ZNF521: variants seen among roughly 807,000 people sequenced by gnomAD.
ZNF521 encodes the protein zinc finger protein 521.
Under a neutral mutation model 105.5 loss-of-function variants are expected in ZNF521, and 14 were observed. That is an observed-to-expected ratio of 0.13 (90% CI 0.09 to 0.21). The LOEUF (loss-of-function observed/expected upper bound fraction) is 0.21, where lower values mean the gene tolerates loss of function less well. ZNF521 is among the 10% of genes least tolerant of loss of function. The pLI, the probability that ZNF521 is intolerant of heterozygous loss-of-function variation, is 1.00. For missense variants in ZNF521, 1,233 were observed against 1,629.7 expected, an observed-to-expected ratio of 0.76 and a Z score of 4.19; for synonymous variants, 635 against 606.0, an observed-to-expected ratio of 1.05 and a Z score of -0.70.
chr18:25,204,184 T>C (rs576851333), intron 4 of ZNF521, among the ~76,000 whole-genome samples: 7 of 152,294 alleles, frequency 4.6e-5, no homozygotes, highest in South Asian at 4.1e-4. Context: ...TATTTCTTTA[T>C]AGCAATGCAA....
At position 25,225,659 on chromosome 18, in the gene ZNF521, C is replaced by T; in HGVS notation, c.2259G>A (p.Arg753=). 1 of 1,614,148 alleles carries T rather than the reference C, an allele frequency of 6.2e-7. No individual in the cohort carries two copies. The highest frequency in any genetic ancestry group is 2.2e-5 in the East Asian group (1 of 44,862). The stretch of plus-strand genomic sequence containing the variant: ...GGAAGTCCCAGTTGCAAGATGTGCA[C>T]CTATAGACTTTCTTTTCGTTACTGT... ...VKHSNEKKVY[R]CTSCNWDFRN... The change falls in exon 4 of 8, where the codon AGG becomes AGA. Residue 753 remains arginine (R), a synonymous_variant. Transcript: ENST00000361524. The surrounding 1 kb of genome is among the most constrained non-coding windows in gnomAD (Gnocchi z 5.6).
At chr18:25,232,445 T>C (rs1048948526) in intron 3 of ZNF521, among the ~76,000 whole-genome samples, 8 of 152,232 alleles carry the variant, frequency 5.3e-5, no homozygotes, top group Non-Finnish European at 1.0e-4. Context: ...CATAAACATA[T>C]TTTAATATTT....
intron 3 of ZNF521, among the ~76,000 whole-genome samples, chr18:25,245,005 G>A (rs1164037133): frequency 1.3e-5 from 2 of 152,220 alleles, no homozygotes; most frequent in Non-Finnish European, 2.9e-5. Flanking sequence ...ACTTTTGGGA[G>A]ATAATCTATT....
chr18:25,139,741 A>T (rs750417022), intron 5 of ZNF521, among the ~76,000 whole-genome samples: 3 of 152,172 alleles, frequency 2.0e-5, no homozygotes, highest in Non-Finnish European at 4.4e-5. Context: ...TAAGTAATAC[A>T]GCACTAGGTC....
intron 4 of ZNF521, among the ~76,000 whole-genome samples, chr18:25,207,168 C>G (rs948996629): frequency 6.6e-6 from 1 of 152,072 alleles, no homozygotes; most frequent in African/African-American, 2.4e-5. Flanking sequence ...TTGAAACGGA[C>G]AAGTAAGTTC....
intron 3 of ZNF521, among the ~76,000 whole-genome samples, chr18:25,247,737 T>C (rs995673916): frequency 1.7e-4 from 26 of 152,126 alleles, no homozygotes; most frequent in African/African-American, 6.3e-4. Flanking sequence ...GAGATGGTTT[T>C]CACCAGAGCC....
chr18:25,145,982 C>G (rs973104680), intron 5 of ZNF521, among the ~76,000 whole-genome samples: 4 of 152,056 alleles, frequency 2.6e-5, no homozygotes, highest in African/African-American at 9.7e-5. Flanking sequence ...ACAACAGTTA[C>G]CATTTATAAA....
intron 6 of ZNF521, among the ~76,000 whole-genome samples, chr18:25,091,677 A>G (rs1167135942): frequency 6.6e-6 from 1 of 152,196 alleles, no homozygotes; most frequent in African/African-American, 2.4e-5. Context: ...AGTGAACACA[A>G]CATGTATGTA....
At chr18:25,075,624 T>A (rs2033342512) in intron 7 of ZNF521, among the ~76,000 whole-genome samples, 1 of 152,196 alleles carries the variant, frequency 6.6e-6, no homozygotes. Flanking sequence ...CACACCACTA[T>A]TACAGTTCCC....
intron 5 of ZNF521, among the ~76,000 whole-genome samples, chr18:25,134,481 A>C (rs142593436): frequency 6.6e-6 from 1 of 152,084 alleles, no homozygotes; most frequent in Non-Finnish European, 1.5e-5. Flanking sequence ...GTCTGTGAAC[A>C]TTATGATAAA....
intron 5 of ZNF521, among the ~76,000 whole-genome samples, chr18:25,174,097 C>T (rs1460853817): frequency 6.6e-6 from 1 of 151,982 alleles, no homozygotes; most frequent in Non-Finnish European, 1.5e-5. Flanking sequence ...AATGAAACAA[C>T]ATCACTATTA....
chr18:25,148,252 C>T (rs770812229), intron 5 of ZNF521, among the ~76,000 whole-genome samples: 3 of 152,096 alleles, frequency 2.0e-5, no homozygotes, highest in Non-Finnish European at 4.4e-5. Flanking sequence ...CATAAATGGA[C>T]GTGACATAAT....
At chr18:25,211,315 GT>G (rs1386554165) in intron 4 of ZNF521, among the ~76,000 whole-genome samples, 3 of 152,066 alleles carry the variant, frequency 2.0e-5, no homozygotes, top group African/African-American at 4.8e-5. Context: ...AGTTTTGGGA[GT>G]TTTTTGTTTT....
At chr18:25,118,941 C>T (rs1035840891) in intron 5 of ZNF521, among the ~76,000 whole-genome samples, 11 of 151,938 alleles carry the variant, frequency 7.2e-5, no homozygotes, top group East Asian at 1.9e-4. Context: ...ATACATACTA[C>T]GAATACAGTA....
intron 5 of ZNF521, among the ~76,000 whole-genome samples, chr18:25,125,086 C>T (rs746115236): frequency 7.9e-5 from 12 of 152,010 alleles, no homozygotes; most frequent in Non-Finnish European, 2.9e-5. Context: ...TGCATGGATC[C>T]GATAGTATCC....
intron 4 of ZNF521, among the ~76,000 whole-genome samples, chr18:25,222,861 A>T (rs1392790376): frequency 6.6e-6 from 1 of 152,184 alleles, no homozygotes; most frequent in Non-Finnish European, 1.5e-5. Context: ...TAATTGAACA[A>T]AAAAATACCC....
chr18:25,289,494 T>G (rs1440572114), intron 3 of ZNF521, among the ~76,000 whole-genome samples: 2 of 152,208 alleles, frequency 1.3e-5, no homozygotes, highest in African/African-American at 4.8e-5. Context: ...GGGCTTCTCA[T>G]ATTGCTGAAA....
At chr18:25,065,300 T>C (rs2033026784) in intron 7 of ZNF521, among the ~76,000 whole-genome samples, 1 of 152,256 alleles carries the variant, frequency 6.6e-6, no homozygotes. Flanking sequence ...TTTTGAGCAC[T>C]GACATGATGG....
At chr18:25,081,766 C>A (rs184890086) in intron 7 of ZNF521, among the ~76,000 whole-genome samples, 1 of 152,178 alleles carries the variant, frequency 6.6e-6, no homozygotes, top group South Asian at 2.1e-4. Flanking sequence ...TACCTTTAGA[C>A]GCATTATGAA....
Sources: allele counts gnomAD v4.1 joint callset (sites outside exome capture counted in the v4.1 genomes callset), GRCh38; gene constraint gnomAD v4.1.1; non-coding constraint Gnocchi (gnomAD v3.1); transcripts MANE v1.5; gene names NCBI Gene and HGNC (gene_info 2026-07-23, HGNC 2026-07-21).